The following KAZN variants were observed in gnomAD, a reference collection of about 807,000 sequenced individuals.
The protein encoded by KAZN is kazrin.
KAZN carries 40 observed loss-of-function variants against 87.4 expected under a neutral mutation model. The ratio of observed to expected loss-of-function variants is 0.46; its 90% CI spans 0.36 to 0.60. KAZN has a LOEUF of 0.60. Ranked by LOEUF, KAZN falls within the 20% of genes least tolerant of loss-of-function variation. The pLI is 0.00. For synonymous variants in KAZN, 466 were observed against 458.3 expected, an observed-to-expected ratio of 1.02 and a Z score of -0.22; for missense variants, 898 against 1,073.9, an observed-to-expected ratio of 0.84 and a Z score of 2.29.
intron 1 of KAZN, among the ~76,000 whole-genome samples, chr1:14,608,466 C>T (rs1002435383): frequency 5.3e-5 from 8 of 152,144 alleles, no homozygotes; most frequent in Non-Finnish European, 7.3e-5. Context: ...AATGGTAATA[C>T]GTAATAAAAA....
chr1:14,420,558 G>A lies in KAZN; in HGVS notation c.250-178425G>A, dbSNP rs372933843. On this transcript the variant is annotated intron_variant, in intron 2 of 16. Transcript: ENST00000636203. Reference sequence around the variant, plus strand: ...CCAGGTGCCGCGGAGCAAGGGGTGCGCTCGTCGGGGAGGCTTGGGCAGCTC... The same window carrying A: ...CCAGGTGCCGCGGAGCAAGGGGTGCACTCGTCGGGGAGGCTTGGGCAGCTC... 8.2e-4 allele frequency among the ~76,000 whole-genome samples: 125 copies of A among 152,302 alleles called. 2 individuals are homozygous for A. The East Asian group carries it at 0.01, about 12-fold the overall frequency.
intron 2 of KAZN, among the ~76,000 whole-genome samples, chr1:14,448,522 CACAA>C (rs976611483): frequency 6.6e-6 from 1 of 152,204 alleles, no homozygotes; most frequent in Non-Finnish European, 1.5e-5. Flanking sequence ...CTTTTAAAAA[CACAA>C]ACAAAGAGGA....
chr1:14,876,099 G>A (rs1450283172), intron 1 of KAZN, among the ~76,000 whole-genome samples: 2 of 152,236 alleles, frequency 1.3e-5, no homozygotes, highest in African/African-American at 4.8e-5. Context: ...AAGTGGGACT[G>A]TGATCTTAAC....
intron 2 of KAZN, among the ~76,000 whole-genome samples, chr1:14,275,434 G>C (rs1652269643): frequency 6.9e-6 from 1 of 143,928 alleles, no homozygotes; most frequent in Non-Finnish European, 1.5e-5. Context: ...CTGCAGCCTT[G>C]TGGTAAATAC....
At chr1:13,934,935 G>T (rs943202883) in intron 1 of KAZN, among the ~76,000 whole-genome samples, 2 of 152,072 alleles carry the variant, frequency 1.3e-5, no homozygotes, top group Non-Finnish European at 2.9e-5. Flanking sequence ...AATTGAATTA[G>T]CATAATAATA....
In KAZN at chr1:14,021,375, A is replaced by G. The variant is rs142276263; in HGVS notation, c.91+127619A>G. Among the ~76,000 whole-genome samples the G allele has an allele frequency of 5.3e-3, 800 of 152,276 alleles. 5 individuals are homozygous for G. The highest frequency in any genetic ancestry group is 0.018 in the African/African-American group (755 of 41,552). On this transcript the variant is annotated intron_variant, in intron 1 of 16. Coordinates refer to the KAZN transcript ENST00000636203. ...ATGCAGAATCTGAGACCATAAGCAG[A>G]CCTATAGGATCAGTATCTGCATTTT...
At chr1:14,026,345 C>A (rs1285046200) in intron 1 of KAZN, among the ~76,000 whole-genome samples, 1 of 152,118 alleles carries the variant, frequency 6.6e-6, no homozygotes, top group Non-Finnish European at 1.5e-5. Flanking sequence ...AAAGTTGAGG[C>A]AAACGGTGGT....
intron 1 of KAZN, among the ~76,000 whole-genome samples, chr1:14,737,126 C>T (rs904295281): frequency 1.3e-5 from 2 of 152,144 alleles, no homozygotes; most frequent in African/African-American, 4.8e-5. Context: ...GGGCCAGCCT[C>T]ACTGAGGAGG....
At chr1:14,253,532 G>A (rs193109614) in intron 2 of KAZN, among the ~76,000 whole-genome samples, 9 of 152,304 alleles carry the variant, frequency 5.9e-5, no homozygotes, top group African/African-American at 2.2e-4. Context: ...AAGAGAAACT[G>A]AGTTAGAGGG....
At chr1:14,566,376 T>A (rs1193696318) in intron 2 of KAZN, among the ~76,000 whole-genome samples, 1 of 152,210 alleles carries the variant, frequency 6.6e-6, no homozygotes, top group Non-Finnish European at 1.5e-5. Flanking sequence ...TATGCTGTCA[T>A]TCAGGCTTTG....
intron 1 of KAZN, among the ~76,000 whole-genome samples, chr1:14,897,055 T>C (rs908426898): frequency 2.0e-5 from 3 of 152,226 alleles, no homozygotes; most frequent in Admixed American, 6.5e-5. Context: ...TACTTGCAGA[T>C]GTAGGTTGAC....
At chr1:15,086,860 C>T (rs899571144) in intron 8 of KAZN, among the ~76,000 whole-genome samples, 3 of 152,214 alleles carry the variant, frequency 2.0e-5, no homozygotes, top group Non-Finnish European at 4.4e-5. Context: ...ATCATTAAGG[C>T]CGTGGTTCTA....
At chr1:14,427,270 C>T (rs1230949778) in intron 2 of KAZN, among the ~76,000 whole-genome samples, 1 of 152,118 alleles carries the variant, frequency 6.6e-6, no homozygotes, top group Non-Finnish European at 1.5e-5. Context: ...TATGATATGA[C>T]CACAAGCAAG....
chr1:14,968,054 A>G (rs1247633305), intron 2 of KAZN, among the ~76,000 whole-genome samples: 1 of 152,154 alleles, frequency 6.6e-6, no homozygotes, highest in Non-Finnish European at 1.5e-5. Context: ...TTTCTTGTGC[A>G]CTAAATTTCT....
chr1:13,903,201 T>C (rs1304535367), intron 1 of KAZN, among the ~76,000 whole-genome samples: 3 of 152,364 alleles, frequency 2.0e-5, no homozygotes, highest in South Asian at 2.1e-4. Flanking sequence ...TGGGCGATGA[T>C]GTTCAGACCT....
chr1:14,888,502 C>T (rs1470863640), intron 1 of KAZN, among the ~76,000 whole-genome samples: 1 of 152,198 alleles, frequency 6.6e-6, no homozygotes, highest in Non-Finnish European at 1.5e-5. Context: ...TCAATACACA[C>T]ACTGGAAGGG....
intron 2 of KAZN, among the ~76,000 whole-genome samples, chr1:15,029,455 GCCTGCAC>G (rs201444672): frequency 0.015 from 2,339 of 152,312 alleles, 33 homozygotes; most frequent in Non-Finnish European, 0.025. Flanking sequence ...AGGAGGCATA[GCCTGCAC>G]CCCACCATGG....
intron 2 of KAZN, among the ~76,000 whole-genome samples, chr1:14,466,732 G>T (rs958974705): frequency 2.6e-5 from 4 of 151,732 alleles, no homozygotes; most frequent in Non-Finnish European, 5.9e-5. Context: ...ACTTCGGGAG[G>T]CCGAGGTGGG....
intron 6 of KAZN, chr1:15,060,999 G>A (rs183371029): frequency 6.6e-6 from 1 of 152,366 alleles, no homozygotes; most frequent in East Asian, 1.9e-4. Context: ...CACACAGTTG[G>A]TAATGCAGAG....
Sources: allele counts gnomAD v4.1 joint callset (sites outside exome capture counted in the v4.1 genomes callset), GRCh38; gene constraint gnomAD v4.1.1; transcripts MANE v1.5; gene names NCBI Gene and HGNC (gene_info 2026-07-23, HGNC 2026-07-21).